RIPOR3: variants seen among roughly 807,000 people sequenced by gnomAD.
RIPOR3 encodes the protein RIPOR family member 3, also known as family with sequence similarity 65 member C.
A neutral mutation model predicts 114.3 loss-of-function variants in RIPOR3; 95 were observed. That is an observed-to-expected ratio of 0.83 (90% confidence interval 0.70 to 0.99). RIPOR3 has a LOEUF of 0.99. Among genes scored for constraint, RIPOR3 ranks in the 50% least tolerant of loss-of-function variants. The pLI, the probability that RIPOR3 is intolerant of heterozygous loss-of-function variation, is 0.00. For synonymous variants in RIPOR3, 575 were observed against 543.8 expected (o/e 1.06, Z -0.80); for missense variants, 1,252 against 1,266.9 (o/e 0.99, Z 0.18).
rs146335430 is a variant in RIPOR3 at position 50,668,254 on chromosome 20, C to G, written c.3+22872G>C. Among the ~76,000 whole-genome samples, 403 of 152,226 alleles carry G rather than the reference C, an allele frequency of 2.6e-3. 2 individuals carry two copies. The highest frequency in any genetic ancestry group is 9.2e-3 in the African/African-American group (382 of 41,534). On this transcript the variant is annotated intron_variant, in intron 1 of 21. Coordinates refer to ENST00000327979, the MANE Select transcript of RIPOR3 (RefSeq NM_001290268.2). The stretch of plus-strand genomic sequence containing the variant: ...TGAGTCTGTTGACAGAGGCACCTGG[C>G]CATCTGTATCCTGGTCCTCAGCTCT...
chr20:50,603,544 TTGGATGAATGAAG>T (rs1254775177), intron 12 of RIPOR3, among the ~76,000 whole-genome samples: 1 of 152,114 alleles, frequency 6.6e-6, no homozygotes, highest in Non-Finnish European at 1.5e-5. Flanking sequence ...CAGCCTAGTT[TTGGATGAATGAAG>T]TGAATGAATG....
intron 2 of RIPOR3, among the ~76,000 whole-genome samples, chr20:50,627,987 T>C (rs2084683360): frequency 1.3e-5 from 2 of 152,224 alleles, no homozygotes; most frequent in Admixed American, 6.5e-5. Flanking sequence ...GAGGGTCACC[T>C]GGGCCGGATG....
chr20:50,671,993 G>C (rs368328081), intron 1 of RIPOR3, among the ~76,000 whole-genome samples: 1 of 8,228 alleles, frequency 1.2e-4, no homozygotes, highest in African/African-American at 1.8e-4. Flanking sequence ...TGGATGGATG[G>C]ATGGATGGAT....
At chr20:50,683,315 G>A (rs1477515515) in intron 1 of RIPOR3, among the ~76,000 whole-genome samples, 2 of 152,134 alleles carry the variant, frequency 1.3e-5, no homozygotes, top group Non-Finnish European at 1.5e-5. Flanking sequence ...ACGCAGGTGG[G>A]ACCATGGGTT....
At chr20:50,661,817 G>A (rs552916596) in intron 1 of RIPOR3, among the ~76,000 whole-genome samples, 34 of 152,308 alleles carry the variant, frequency 2.2e-4, no homozygotes, top group Admixed American at 1.3e-3. Flanking sequence ...CTGGGGTCCC[G>A]CGCAGGACAG....
chr20:50,621,723 C>G (rs1021708838), intron 2 of RIPOR3, among the ~76,000 whole-genome samples: 1 of 152,180 alleles, frequency 6.6e-6, no homozygotes, highest in African/African-American at 2.4e-5. Flanking sequence ...ATCTCCATGA[C>G]AGTGAGTTCC....
intron 4 of RIPOR3, chr20:50,614,688 T>C (rs1452623274): frequency 5.9e-6 from 1 of 170,404 alleles, no homozygotes; most frequent in Non-Finnish European, 1.5e-5. Context: ...GGAACAATTA[T>C]TTTAGCATAA....
intron 20 of RIPOR3, among the ~76,000 whole-genome samples, chr20:50,588,748 TGAAAAAAAAAA>T (rs1568809414): frequency 1.2e-5 from 1 of 86,194 alleles, no homozygotes. Context: ...AATTCTCAAG[TGAAAAAAAAAA>T]AAAAAAAAAG....
rs753532726 is a variant in RIPOR3 at position 50,610,924 on chromosome 20, G to A, written c.373-18C>T. On this transcript the variant is annotated intron_variant, in intron 5 of 21. Coordinates refer to ENST00000327979, the MANE Select transcript of RIPOR3 (RefSeq NM_001290268.2). ...CGCGTTTGCTTCTCCCGGAAAAAGGGAAGATGTTTGCAAAGTTGCCTGGGC... is the reference window on the plus strand; with the variant it reads ...CGCGTTTGCTTCTCCCGGAAAAAGGAAAGATGTTTGCAAAGTTGCCTGGGC... 3.7e-6 allele frequency: 6 copies of A among 1,614,042 alleles called. No individual in the cohort carries two copies. In the South Asian group the frequency reaches 6.6e-5, roughly 18 times the overall value.
chr20:50,678,021 A>T (rs2086732257), intron 1 of RIPOR3, among the ~76,000 whole-genome samples: 1 of 152,046 alleles, frequency 6.6e-6, no homozygotes, highest in South Asian at 2.1e-4. Context: ...GAGCCACAGG[A>T]GTTACAAGGG....
intron 1 of RIPOR3, among the ~76,000 whole-genome samples, chr20:50,662,515 A>T (rs1240679450): frequency 6.6e-6 from 1 of 152,066 alleles, no homozygotes; most frequent in Non-Finnish European, 1.5e-5. Context: ...CATCCCTCCC[A>T]TGGGGAGTTG....
At chr20:50,595,306 A>T in intron 16 of RIPOR3, 63 bp downstream of exon 16, 1 of 1,582,512 alleles carries the variant, frequency 6.3e-7, no homozygotes, top group South Asian at 1.1e-5. Context: ...AGGCTCCCCG[A>T]GCTTTGATCC....
intron 19 of RIPOR3, 138 bp from the exon 20 acceptor site, chr20:50,589,907 G>T: frequency 2.9e-6 from 2 of 701,170 alleles, no homozygotes. Flanking sequence ...GACACGATCG[G>T]TCCATCTTTG....
At chr20:50,639,253 A>C (rs76072123) in intron 1 of RIPOR3, among the ~76,000 whole-genome samples, 116 of 151,926 alleles carry the variant, frequency 7.6e-4, no homozygotes, top group East Asian at 1.9e-4. Context: ...AAAAAAAAAA[A>C]CCTGAAAACA....
chr20:50,654,911 C>T (rs1258716990), intron 1 of RIPOR3, among the ~76,000 whole-genome samples: 1 of 151,830 alleles, frequency 6.6e-6, no homozygotes, highest in African/African-American at 2.4e-5. Context: ...ACACCAGCTA[C>T]TTTTTGTATT....
Position 50,611,247 on chromosome 20 carries a change from C to T in RIPOR3, c.349-43G>A, listed in dbSNP as rs554973562. 5.6e-5 allele frequency: 91 copies of T among 1,613,766 alleles called. No individual in the cohort carries two copies. The East Asian group carries it at 1.9e-3, about 34-fold the overall frequency. On this transcript the variant is annotated intron_variant, in intron 4 of 21. Transcript: ENST00000327979. ...AGGGCGGAAGAAGCTGTCAGAGTCC[C>T]ACATGTTCCTCCAAGGCCTATGAGG...
At chr20:50,594,238 A>C (rs1018901020) in intron 17 of RIPOR3, among the ~76,000 whole-genome samples, 1 of 150,260 alleles carries the variant, frequency 6.7e-6, no homozygotes, top group Non-Finnish European at 1.5e-5. Context: ...ATTGTGCCAC[A>C]GCACTATAGC....
chr20:50,672,636 G>A (rs559616698), intron 1 of RIPOR3, among the ~76,000 whole-genome samples: 41 of 152,316 alleles, frequency 2.7e-4, no homozygotes, highest in Admixed American at 9.1e-4. Context: ...CAGTCCTGGG[G>A]GCAACAGGGA....
At chr20:50,658,690 G>T (rs1364509325) in intron 1 of RIPOR3, among the ~76,000 whole-genome samples, 1 of 151,816 alleles carries the variant, frequency 6.6e-6, no homozygotes, top group African/African-American at 2.4e-5. Context: ...GGGAAACAGA[G>T]CGAGATTCTG....
Sources: gnomAD v4.1 joint callset for allele counts (sites outside exome capture counted in the v4.1 genomes callset) on GRCh38, gnomAD v4.1.1 for gene constraint, MANE v1.5 for transcripts, NCBI Gene and HGNC (gene_info 2026-07-23, HGNC 2026-07-21) for gene names.